FOCAD: variants seen among roughly 807,000 people sequenced by gnomAD.
FOCAD encodes the protein KIAA1797.
In FOCAD, 198 loss-of-function variants were observed where a neutral mutation model predicts 225.6. The ratio of observed to expected loss-of-function variants is 0.88; its 90% CI spans 0.78 to 0.99. FOCAD has a LOEUF of 0.99. FOCAD is among the 50% of genes least tolerant of loss of function. FOCAD has a pLI of 0.00. For synonymous variants in FOCAD, 897 were observed against 755.0 expected (o/e 1.19, Z -3.08); for missense variants, 2,713 against 2,123.6 (o/e 1.28, Z -5.46).
chr9:20,820,792 A>G (rs1182445184), intron 13 of FOCAD, 149 bp from the exon 14 acceptor site: 13 of 857,742 alleles, frequency 1.5e-5, no homozygotes, highest in Admixed American at 1.4e-4. Flanking sequence ...AGTAATCACT[A>G]TAGCAATCTT....
intron 5 of FOCAD, among the ~76,000 whole-genome samples, chr9:20,749,982 T>G (rs1168913425): frequency 6.6e-6 from 1 of 152,176 alleles, no homozygotes; most frequent in Non-Finnish European, 1.5e-5. Context: ...CCTTCCTCAC[T>G]CCATTCTGTT....
At chr9:20,906,023 C>T (rs149247742) in intron 21 of FOCAD, among the ~76,000 whole-genome samples, 146 of 150,648 alleles carry the variant, frequency 9.7e-4, no homozygotes, top group Middle Eastern at 3.4e-3. Flanking sequence ...CCCATGGATT[C>T]TTCCTATTTG....
chr9:20,680,563 T>A (rs959055104), upstream of FOCAD, among the ~76,000 whole-genome samples: 1 of 152,038 alleles, frequency 6.6e-6, no homozygotes, highest in African/African-American at 2.4e-5. Flanking sequence ...CAAAAAAAAA[T>A]TTAAATTTTA....
chr9:20,973,693 A>T (rs71504761), intron 35 of FOCAD, among the ~76,000 whole-genome samples: 143 of 110,768 alleles, frequency 1.3e-3, no homozygotes, highest in Middle Eastern at 0.012. Flanking sequence ...ACGTTTGCTG[A>T]CTCTGCCCTA....
At chr9:20,979,329 T>G (rs920385186) in intron 37 of FOCAD, among the ~76,000 whole-genome samples, 16 of 152,130 alleles carry the variant, frequency 1.1e-4, no homozygotes, top group African/African-American at 3.4e-4. Flanking sequence ...CTATTCAGCC[T>G]TGTTTCTGTT....
At chr9:20,836,325 C>T (rs1011786111) in intron 15 of FOCAD, among the ~76,000 whole-genome samples, 2 of 152,106 alleles carry the variant, frequency 1.3e-5, no homozygotes, top group African/African-American at 4.8e-5. Context: ...CTGTCGCCTA[C>T]TGTGGATTCA....
rs907171465 is a variant in FOCAD, at chr9:20,961,132, G to GCTCCT, written c.4132+8082_4132+8086dup. Among the ~76,000 whole-genome samples the GCTCCT allele has an allele frequency of 5.3e-5, 8 of 151,232 alleles. No homozygotes were observed. The South Asian group carries it at 6.3e-4, about 12-fold the overall frequency. ...ATTAGGCGTTCTGCTGTAAGAAATG[G>GCTCCT]CTCCTCTCCTCTCCTCTCCACTCCT... On this transcript the variant is annotated intron_variant, in intron 35 of 43. Transcript: ENST00000338382.
At chr9:20,707,498 A>G (rs541696573) in intron 1 of FOCAD, among the ~76,000 whole-genome samples, 5 of 152,284 alleles carry the variant, frequency 3.3e-5, no homozygotes, top group South Asian at 2.1e-4. Flanking sequence ...TTAACTACCA[A>G]TAGTCTTATG....
chr9:20,757,396 G>C (rs1829153347), intron 5 of FOCAD, among the ~76,000 whole-genome samples: 1 of 150,704 alleles, frequency 6.6e-6, no homozygotes, highest in African/African-American at 2.4e-5. Flanking sequence ...TTTTTTTTTG[G>C]GGTTAAACCC....
chr9:20,824,665 T>G (rs1433875287), intron 15 of FOCAD, among the ~76,000 whole-genome samples: 1 of 152,114 alleles, frequency 6.6e-6, no homozygotes, highest in Admixed American at 6.6e-5. Context: ...ATGTGTCCTT[T>G]GACTAATTTA....
At chr9:20,662,104 GA>G (rs1292706227) in intron 2 of FOCAD, among the ~76,000 whole-genome samples, 1 of 152,138 alleles carries the variant, frequency 6.6e-6, no homozygotes, top group Non-Finnish European at 1.5e-5. Flanking sequence ...TAGTGGATGG[GA>G]CATGATTTCA....
chr9:20,762,811 C>T (rs565653764), intron 6 of FOCAD, among the ~76,000 whole-genome samples: 6 of 131,382 alleles, frequency 4.6e-5, no homozygotes, highest in Non-Finnish European at 8.8e-5. Context: ...ATTTTCAGCC[C>T]TTGCCCCTCC....
intron 35 of FOCAD, among the ~76,000 whole-genome samples, chr9:20,958,515 A>T (rs1838405377): frequency 1.3e-5 from 2 of 152,162 alleles, no homozygotes; most frequent in Admixed American, 6.5e-5. Flanking sequence ...TCTCATCTCA[A>T]ACATTTATCA....
exon 1 of FOCAD, chr9:20,658,371 C>T (rs377750326): frequency 4.1e-5 from 7 of 171,846 alleles, no homozygotes; most frequent in Non-Finnish European, 8.4e-5. Context: ...GCGCCCCTCC[C>T]GCAGCCTCGC....
chr9:20,955,394 G>A (rs2132410257), intron 35 of FOCAD, among the ~76,000 whole-genome samples: 1 of 152,184 alleles, frequency 6.6e-6, no homozygotes, highest in Non-Finnish European at 1.5e-5. Flanking sequence ...GTACTCATGT[G>A]ATAGAACATA....
chr9:20,861,284 TGTGA>T (rs563852375), intron 15 of FOCAD, among the ~76,000 whole-genome samples: 93 of 152,356 alleles, frequency 6.1e-4, no homozygotes, highest in African/African-American at 2.1e-3. Flanking sequence ...TTGTTGTTTC[TGTGA>T]GTATTATGTA....
intron 35 of FOCAD, among the ~76,000 whole-genome samples, chr9:20,956,360 A>T (rs1457850281): frequency 6.6e-6 from 1 of 152,224 alleles, no homozygotes; most frequent in African/African-American, 2.4e-5. Context: ...ACAACTCTTT[A>T]AAAAATATTA....
chr9:20,664,673 C>T (rs1353438321), intron 2 of FOCAD, among the ~76,000 whole-genome samples: 4 of 133,344 alleles, frequency 3.0e-5, no homozygotes, highest in African/African-American at 1.1e-4. Flanking sequence ...GAGATGAGGT[C>T]TCGCTTTGTT....
chr9:20,841,011 T>C (rs866457111), intron 15 of FOCAD, among the ~76,000 whole-genome samples: 2 of 152,042 alleles, frequency 1.3e-5, no homozygotes, highest in African/African-American at 4.8e-5. Context: ...TTTATTCTAT[T>C]GATACGATAT....
Sources: allele counts gnomAD v4.1 joint callset (sites outside exome capture counted in the v4.1 genomes callset), GRCh38; gene constraint gnomAD v4.1.1; transcripts MANE v1.5; gene names NCBI Gene and HGNC (gene_info 2026-07-23, HGNC 2026-07-21).